Variants in KCNT2 observed in about 807,000 individuals in gnomAD.
KCNT2 encodes potassium channel subfamily T member 2.
Under a neutral mutation model 153.8 loss-of-function variants are expected in KCNT2, and 67 were observed. The ratio of observed to expected loss-of-function variants is 0.44; its 90% CI spans 0.36 to 0.53. The LOEUF is 0.53. Among genes scored for constraint, KCNT2 ranks in the 20% least tolerant of loss-of-function variants. The probability of loss-of-function intolerance (pLI) is 0.00; values close to 1 mark genes in which losing one functional copy is unlikely to be tolerated. For synonymous variants in KCNT2, 500 were observed against 458.8 expected, an observed-to-expected ratio of 1.09 and a Z score of -1.15; for missense variants, 975 against 1,354.8, an observed-to-expected ratio of 0.72 and a Z score of 4.40.
At chr1:196,600,097 C>G (rs1053291646) in intron 1 of KCNT2, among the ~76,000 whole-genome samples, 2 of 152,038 alleles carry the variant, frequency 1.3e-5, no homozygotes, top group Non-Finnish European at 2.9e-5. Context: ...TCTAGTTGTA[C>G]CTAGTTATTA....
intron 22 of KCNT2, among the ~76,000 whole-genome samples, chr1:196,289,331 C>T (rs1277454057): frequency 6.6e-6 from 1 of 151,964 alleles, no homozygotes; most frequent in African/African-American, 2.4e-5. Flanking sequence ...TTTTTGAAAC[C>T]TATTACACCT....
chr1:196,253,110 A>G (rs1022477661), intron 26 of KCNT2, among the ~76,000 whole-genome samples: 2 of 151,312 alleles, frequency 1.3e-5, no homozygotes, highest in Non-Finnish European at 3.0e-5. Flanking sequence ...TTCTCATCGA[A>G]TCTGAAAAAA....
At chr1:196,545,205 G>T (rs538091581) in intron 1 of KCNT2, among the ~76,000 whole-genome samples, 3 of 151,724 alleles carry the variant, frequency 2.0e-5, no homozygotes, top group Admixed American at 6.6e-5. Context: ...GTCTAATCCC[G>T]CCAACATTTT....
intron 25 of KCNT2, among the ~76,000 whole-genome samples, chr1:196,267,541 G>C (rs1657661753): frequency 6.6e-6 from 1 of 152,160 alleles, no homozygotes. Flanking sequence ...GAAGGCTCTA[G>C]AATCTCTCCA....
At chr1:196,450,551 C>A (rs2148617168) in intron 8 of KCNT2, among the ~76,000 whole-genome samples, 1 of 151,992 alleles carries the variant, frequency 6.6e-6, no homozygotes, top group Non-Finnish European at 1.5e-5. Flanking sequence ...TTCCAGATTA[C>A]AAACCTCAAA....
At chr1:196,481,823 C>T (rs892138493) in intron 4 of KCNT2, among the ~76,000 whole-genome samples, 3 of 152,100 alleles carry the variant, frequency 2.0e-5, no homozygotes, top group Admixed American at 6.6e-5. Flanking sequence ...TCCTTTTATG[C>T]TATGGCATAC....
At chr1:196,532,852 T>C (rs992699585) in intron 1 of KCNT2, among the ~76,000 whole-genome samples, 4 of 152,062 alleles carry the variant, frequency 2.6e-5, no homozygotes, top group South Asian at 2.1e-4. Flanking sequence ...CAACCTATAA[T>C]GTAAGGCACT....
rs555798407 is a variant in KCNT2 at position 196,581,103 on chromosome 1, T to C, written c.95+27112A>G. ...AGTTTTTTTTTCAGAAAATTAAACA[T>C]TGAAATATTAGTATATATGTGATAT... On this transcript the variant is annotated intron_variant, in intron 1 of 27. Transcript: ENST00000294725. Among the ~76,000 whole-genome samples the C allele has an allele frequency of 1.4e-3, 209 of 152,198 alleles. 1 individual carries two copies. Among genetic ancestry groups the C allele is most frequent in the African/African-American group, 4.4e-3 (184 of 41,552 alleles).
At chr1:196,305,900 G>C (rs1661585300) in intron 21 of KCNT2, among the ~76,000 whole-genome samples, 6 of 152,044 alleles carry the variant, frequency 3.9e-5, no homozygotes, top group Admixed American at 3.3e-4. Flanking sequence ...CATTGATAGT[G>C]TTCCCCAAAA....
chr1:196,476,586 T>C (rs1678549478), intron 5 of KCNT2, among the ~76,000 whole-genome samples: 1 of 152,088 alleles, frequency 6.6e-6, no homozygotes, highest in Admixed American at 6.5e-5. Flanking sequence ...AGCTCTTTCA[T>C]TTCTCTTCTC....
intron 8 of KCNT2, among the ~76,000 whole-genome samples, chr1:196,448,723 T>C (rs111842583): frequency 0.021 from 3,115 of 151,812 alleles, 103 homozygotes; most frequent in African/African-American, 0.071. Context: ...AATGAGTAGA[T>C]TGAGGCTCAG....
At chr1:196,381,180 ATCT>A (rs1456344486) in intron 13 of KCNT2, among the ~76,000 whole-genome samples, 3 of 152,152 alleles carry the variant, frequency 2.0e-5, no homozygotes, top group African/African-American at 7.2e-5. Context: ...AATAAATATA[ATCT>A]TTTTTGATGT....
intron 1 of KCNT2, among the ~76,000 whole-genome samples, chr1:196,511,456 T>G (rs2148798437): frequency 6.6e-6 from 1 of 152,280 alleles, no homozygotes; most frequent in East Asian, 1.9e-4. Context: ...CAGAAATAGA[T>G]GTTACAGGCA....
At chr1:196,407,758 A>G (rs910820325) in intron 12 of KCNT2, among the ~76,000 whole-genome samples, 2 of 151,528 alleles carry the variant, frequency 1.3e-5, no homozygotes, top group South Asian at 2.1e-4. Flanking sequence ...CTAAGATACC[A>G]TATGTTCAAA....
chr1:196,538,554 G>T (rs1655918845), intron 1 of KCNT2, among the ~76,000 whole-genome samples: 1 of 152,156 alleles, frequency 6.6e-6, no homozygotes, highest in Admixed American at 6.6e-5. Context: ...ACTTTTTACA[G>T]ACAATAGTGG....
chr1:196,561,778 T>C (rs1310567001), intron 1 of KCNT2, among the ~76,000 whole-genome samples: 1 of 151,536 alleles, frequency 6.6e-6, no homozygotes, highest in Non-Finnish European at 1.5e-5. Context: ...CTTGGTTTTA[T>C]ACATTTTAGG....
intron 12 of KCNT2, among the ~76,000 whole-genome samples, chr1:196,410,222 T>A (rs1672178678): frequency 6.6e-6 from 1 of 151,924 alleles, no homozygotes; most frequent in East Asian, 1.9e-4. Context: ...AGTTTTGAAA[T>A]TAATCCCTTA....
chr1:196,457,937 A>G (rs1201237132), intron 8 of KCNT2, among the ~76,000 whole-genome samples: 6 of 151,858 alleles, frequency 4.0e-5, no homozygotes. Flanking sequence ...AAAAACCAGA[A>G]TTAGAAGATA....
intron 25 of KCNT2, among the ~76,000 whole-genome samples, chr1:196,270,236 G>A (rs1328356350): frequency 6.6e-6 from 1 of 151,728 alleles, no homozygotes; most frequent in African/African-American, 2.4e-5. Flanking sequence ...TATTTGGTAG[G>A]GATTATAGTG....
Sources: gnomAD v4.1 joint callset for allele counts (sites outside exome capture counted in the v4.1 genomes callset) on GRCh38, gnomAD v4.1.1 for gene constraint, MANE v1.5 for transcripts, NCBI Gene and HGNC (gene_info 2026-07-23, HGNC 2026-07-21) for gene names.